Variants in NOP58 observed in about 807,000 individuals in gnomAD.
The protein encoded by NOP58 is NOP58 ribonucleoprotein.
In NOP58, 44 loss-of-function variants were observed where a neutral mutation model predicts 71.2. That is an observed-to-expected ratio of 0.62 (90% confidence interval 0.49 to 0.79). The LOEUF is 0.79. NOP58 is among the 30% of genes least tolerant of loss of function. NOP58 has a pLI of 0.00. For missense variants in NOP58, 538 were observed against 620.2 expected (o/e 0.87, Z 1.41); for synonymous variants, 228 against 200.3 (o/e 1.14, Z -1.17).
intron 6 of NOP58, among the ~76,000 whole-genome samples, chr2:202,287,976 T>C (rs1688821300): frequency 1.3e-5 from 2 of 152,042 alleles, no homozygotes; most frequent in South Asian, 4.1e-4. Flanking sequence ...TAAATGTGCA[T>C]GGTGGCGTGT....
chr2:202,282,763 T>C (rs532086327), intron 4 of NOP58, among the ~76,000 whole-genome samples: 2 of 152,316 alleles, frequency 1.3e-5, no homozygotes, highest in African/African-American at 4.8e-5. Context: ...CATATTTTTG[T>C]CTAGCCACAT....
At chr2:202,302,872 G>A in intron 13 of NOP58, 49 bp from the exon 14 acceptor site, 2 of 1,563,284 alleles carry the variant, frequency 1.3e-6, no homozygotes, top group Admixed American at 2.0e-5. Context: ...GAAGGAATGA[G>A]ATCTGATACA....
intron 7 of NOP58, 46 bp downstream of exon 7, chr2:202,290,503 T>A: frequency 3.9e-6 from 6 of 1,524,104 alleles, no homozygotes; most frequent in Non-Finnish European, 5.4e-6. Context: ...TAAATGAATT[T>A]GATTGCATCC....
chr2:202,266,060 C>CG, intron 1 of NOP58, 74 bp downstream of exon 1: 1 of 1,542,674 alleles, frequency 6.5e-7, no homozygotes, highest in Non-Finnish European at 9.0e-7. Context: ...GACTTAAGCA[C>CG]GGAACTACTC....
chr2:202,300,251 A>T lies in NOP58; in HGVS notation c.1286A>T (p.Asp429Val). 6.3e-7 allele frequency: 1 copy of T among 1,588,184 alleles called. No homozygotes were observed. Among genetic ancestry groups the T allele is most frequent in the Non-Finnish European group, 8.5e-7 (1 of 1,174,418 alleles). ...YEHKSEVKTYDPSGDSTLPTC... is the reference protein window; with the variant it reads ...YEHKSEVKTYVPSGDSTLPTC... Reference sequence around the variant, plus strand: ...TCTTTCAGTGAAGTGAAGACTTACGATCCTTCTGGTGACTCCACACTTCCA... The same window carrying T: ...TCTTTCAGTGAAGTGAAGACTTACGTTCCTTCTGGTGACTCCACACTTCCA... Residue 429 changes from aspartate to valine, a missense_variant, in exon 13 of 15, where the codon GAT (aspartate) becomes GTT (valine). Coordinates refer to ENST00000264279, the MANE Select transcript of NOP58 (RefSeq NM_015934.5).
chr2:202,266,078 C>G, intron 1 of NOP58, 92 bp downstream of exon 1: 2 of 1,440,204 alleles, frequency 1.4e-6, no homozygotes, highest in Non-Finnish European at 2.0e-6. Context: ...CTCAGAGTAG[C>G]GTGGGTGCCT....
intron 5 of NOP58, among the ~76,000 whole-genome samples, chr2:202,285,425 T>C (rs1688771406): frequency 6.8e-6 from 1 of 147,092 alleles, no homozygotes; most frequent in African/African-American, 2.5e-5. Context: ...CTTGGCTCAC[T>C]GCAACCTGGA....
intron 9 of NOP58, among the ~76,000 whole-genome samples, chr2:202,294,960 A>G (rs527755898): frequency 4.1e-5 from 6 of 146,630 alleles, no homozygotes; most frequent in Non-Finnish European, 5.9e-5. Flanking sequence ...GCGAAACTCT[A>G]TCTCAAAAAA....
At chr2:202,297,928 T>C (rs1481877180) in intron 12 of NOP58, 22 bp downstream of exon 12, 1 of 1,442,190 alleles carries the variant, frequency 6.9e-7, no homozygotes, top group African/African-American at 1.4e-5. Context: ...TAAGTGAGGA[T>C]GGGGTGAATA....
chr2:202,297,038 C>G (rs994125800), intron 10 of NOP58, among the ~76,000 whole-genome samples: 2 of 152,058 alleles, frequency 1.3e-5, no homozygotes, highest in African/African-American at 2.4e-5. Context: ...CGGCCAGAAC[C>G]CGCACATATT....
intron 3 of NOP58, chr2:202,278,404 A>G (rs1012179062): frequency 1.9e-5 from 7 of 378,132 alleles, no homozygotes; most frequent in Admixed American, 3.8e-5. Flanking sequence ...AACAGCCAGG[A>G]TTCACAGTTG....
At chr2:202,278,310 G>A in intron 3 of NOP58, 1 of 511,182 alleles carries the variant, frequency 2.0e-6, no homozygotes, top group African/African-American at 1.9e-5. Context: ...TCAGTAAAAG[G>A]TGTTCTACAA....
chr2:202,274,829 G>T (rs1688564917), intron 1 of NOP58, among the ~76,000 whole-genome samples: 1 of 152,114 alleles, frequency 6.6e-6, no homozygotes, highest in Non-Finnish European at 1.5e-5. Context: ...ACGGCCCAAG[G>T]CTGGGGCAGG....
intron 3 of NOP58, among the ~76,000 whole-genome samples, chr2:202,280,422 C>G (rs538791235): frequency 1.3e-5 from 2 of 151,934 alleles, no homozygotes; most frequent in Admixed American, 6.6e-5. Flanking sequence ...CTCCTGAGTT[C>G]AAGTAATTCT....
At chr2:202,272,409 C>T (rs578095249) in intron 1 of NOP58, among the ~76,000 whole-genome samples, 3 of 152,282 alleles carry the variant, frequency 2.0e-5, no homozygotes, top group African/African-American at 2.4e-5. Flanking sequence ...CCGCCTCAGC[C>T]TCCCAGAGTG....
intron 3 of NOP58, 156 bp downstream of exon 3, chr2:202,278,158 G>A: frequency 1.4e-6 from 1 of 732,648 alleles, no homozygotes; most frequent in Admixed American, 1.8e-5. Flanking sequence ...TAAGTGATCT[G>A]ACTCATTCGT....
In NOP58 at chr2:202,268,535, C is replaced by CA. The variant is rs879259794; in HGVS notation, c.45+2560dup. 4.2e-3 allele frequency among the ~76,000 whole-genome samples: 582 copies of CA among 139,260 alleles called. 3 individuals are homozygous for CA. The highest frequency in any genetic ancestry group is 5.8e-3 in the Non-Finnish European group (371 of 63,860). The allele number at this position is 139,260 out of a possible 152,430, so 91.4% of individuals were successfully genotyped here. A position where few individuals can be genotyped will look rare whatever the true frequency, so the allele number is the denominator to read the frequency against. The stretch of plus-strand genomic sequence containing the variant: ...GGGCAATAAGAGCACAACTCCGTCT[C>CA]AAAAAAAAAAATTATATTGGATGCA... On this transcript the variant is annotated intron_variant, in intron 1 of 14. Transcript: ENST00000264279.
intron 1 of NOP58, among the ~76,000 whole-genome samples, chr2:202,269,213 C>G (rs980592404): frequency 6.6e-6 from 1 of 151,532 alleles, no homozygotes; most frequent in Non-Finnish European, 1.5e-5. Flanking sequence ...ACTCTGTTGC[C>G]CAGGCTGGAG....
intron 3 of NOP58, among the ~76,000 whole-genome samples, chr2:202,281,227 A>G (rs1425523959): frequency 1.3e-5 from 2 of 151,210 alleles, no homozygotes; most frequent in Admixed American, 1.3e-4. Flanking sequence ...TCTGGGTTCA[A>G]GCGATTCTCC....
Sources: gnomAD v4.1 joint callset for allele counts (sites outside exome capture counted in the v4.1 genomes callset) on GRCh38, gnomAD v4.1.1 for gene constraint, MANE v1.5 for transcripts, NCBI Gene and HGNC (gene_info 2026-07-23, HGNC 2026-07-21) for gene names.